TRMU: variants seen among roughly 807,000 people sequenced by gnomAD.
The protein encoded by TRMU is tRNA mitochondrial 2-thiouridylase, also known as mitochondrial tRNA-specific 2-thiouridylase 1.
TRMU carries 49 observed loss-of-function variants against 46.9 expected under a neutral mutation model. That is an observed-to-expected ratio of 1.05 (90% CI 0.83 to 1.33). The LOEUF (loss-of-function observed/expected upper bound fraction) is 1.33, where lower values mean the gene tolerates loss of function less well. Among genes scored for constraint, TRMU ranks in the 40% most tolerant of loss-of-function variants. The pLI is 0.00. For synonymous variants in TRMU, 241 were observed against 200.9 expected (o/e 1.20, Z -1.69); for missense variants, 572 against 532.4 (o/e 1.07, Z -0.73).
intron 5 of TRMU, 30 bp from the exon 6 acceptor site, chr22:46,352,091 C>A (rs376072072): frequency 6.2e-7 from 1 of 1,612,028 alleles, no homozygotes; most frequent in African/African-American, 1.3e-5. Flanking sequence ...CACTTCTGCT[C>A]CTCTCACGGC....
rs939160528 is a variant in TRMU, at chr22:46,336,903, A to C, written c.83-876A>C. ...AGGCGGCCCTCCCGGCACAGTCAGC[A>C]GTGCAAGCAGAATCACAGAGGCCTG... On this transcript the variant is annotated intron_variant, in intron 1 of 10. Coordinates refer to ENST00000645190, the MANE Select transcript of TRMU (RefSeq NM_018006.5). This position sits in a 1 kb window ranked among gnomAD's most constrained non-coding sequence, Gnocchi z 4.1. Among the ~76,000 whole-genome samples the C allele has an allele frequency of 3.9e-5, 6 of 152,128 alleles. No individual in the cohort carries two copies. The highest frequency in any genetic ancestry group is 8.8e-5 in the Non-Finnish European group (6 of 68,018).
At chr22:46,345,896 T>A (rs1366776566) in intron 3 of TRMU, among the ~76,000 whole-genome samples, 1 of 151,974 alleles carries the variant, frequency 6.6e-6, no homozygotes, top group Non-Finnish European at 1.5e-5. Context: ...GCCTCCCAAG[T>A]GGCTGGGACT....
intron 9 of TRMU, 96 bp downstream of exon 9, chr22:46,355,684 G>A (rs1170488285): frequency 8.3e-5 from 132 of 1,590,370 alleles, no homozygotes; most frequent in Middle Eastern, 1.7e-4. Flanking sequence ...GGGTAGGAAA[G>A]TCCCGTTGTG....
intron 10 of TRMU, 182 bp from the exon 11 acceptor site, chr22:46,356,659 TG>T: frequency 1.5e-6 from 1 of 678,298 alleles, no homozygotes; most frequent in Non-Finnish European, 2.5e-6. Flanking sequence ...GTGAAGCCAC[TG>T]GGTGCCCCAG....
rs1446159905 is a variant in TRMU at position 46,351,357 on chromosome 22, G to C, written c.652-764G>C. Reference sequence around the variant, plus strand: ...GAACCCGGAGTGTTGGCGGAACTAGGATGAAGCCCGTGGGAGGGCCTTGGG... The same window carrying C: ...GAACCCGGAGTGTTGGCGGAACTAGCATGAAGCCCGTGGGAGGGCCTTGGG... On this transcript the variant is annotated intron_variant, in intron 5 of 10. Transcript: ENST00000645190. This position sits in a 1 kb window ranked among gnomAD's most constrained non-coding sequence, Gnocchi z 6.4. 6.6e-6 allele frequency among the ~76,000 whole-genome samples: 1 copy of C among 152,170 alleles called. No homozygotes were observed. The highest frequency in any genetic ancestry group is 1.5e-5 in the Non-Finnish European group (1 of 68,020).
Position 46,338,842 on chromosome 22 carries a change from T to G in TRMU, c.248+898T>G, listed in dbSNP as rs1412229867. ...AAGGCGTCTGACACAGCAGGCCATGTGCGCGGGACAGGCTGCCCCTGCCTG... is the reference window on the plus strand; with the variant it reads ...AAGGCGTCTGACACAGCAGGCCATGGGCGCGGGACAGGCTGCCCCTGCCTG... On this transcript the variant is annotated intron_variant, in intron 2 of 10. Transcript: ENST00000645190. This position sits in a 1 kb window ranked among gnomAD's most constrained non-coding sequence, Gnocchi z 4.5. Among the ~76,000 whole-genome samples the G allele has an allele frequency of 6.6e-6, 1 of 152,174 alleles. No individual in the cohort carries two copies. Among genetic ancestry groups the G allele is most frequent in the African/African-American group, 2.4e-5 (1 of 41,440 alleles).
intron 7 of TRMU, chr22:46,353,217 G>A (rs2078490024): frequency 5.6e-6 from 1 of 178,070 alleles, no homozygotes; most frequent in South Asian, 1.2e-4. Context: ...TCCACCTGCA[G>A]TTCACTTCAC....
Position 46,343,352 on chromosome 22 carries a change from T to G in TRMU, c.339T>G (p.Tyr113Ter), listed in dbSNP as rs750358034. The change falls in exon 3 of 11, where the codon TAT becomes TAG. Residue 113 changes from tyrosine to a stop codon, truncating the protein, a stop_gained. Coordinates refer to ENST00000645190, the MANE Select transcript of TRMU (RefSeq NM_018006.5). LOFTEE classifies it high-confidence loss of function. Reference protein sequence around the residue: ...KHIKFSCFFHYAVDNLGADAI... With the variant: ...KHIKFSCFFH Reference sequence around the variant, plus strand: ...TCAAATTTAGTTGCTTTTTTCATTATGCTGTGGATAATCTTGGTAAGTAAT... The same window carrying G: ...TCAAATTTAGTTGCTTTTTTCATTAGGCTGTGGATAATCTTGGTAAGTAAT... The G allele has an allele frequency of 6.2e-7, 1 of 1,613,830 alleles. No individual in the cohort carries two copies. The highest frequency in any genetic ancestry group is 8.5e-7 in the Non-Finnish European group (1 of 1,179,754).
chr22:46,352,365 T>TG, intron 7 of TRMU, 35 bp downstream of exon 7: 1 of 1,609,724 alleles, frequency 6.2e-7, no homozygotes, highest in Non-Finnish European at 8.5e-7. Context: ...TCATCTGAAA[T>TG]GCCTAGAGCT....
chr22:46,353,747 G>C lies in TRMU; in HGVS notation c.773-20G>C. ...CTGTAACTTGTTGCCCAGCCTCATG[G>C]AGAAACTGTCTTTCTGTAGGTTGGT... On this transcript the variant is annotated intron_variant, in intron 7 of 10. Coordinates refer to ENST00000645190, the MANE Select transcript of TRMU (RefSeq NM_018006.5). 1 of 1,611,756 alleles carries C rather than the reference G, an allele frequency of 6.2e-7. No homozygotes were observed. Among genetic ancestry groups the C allele is most frequent in the Non-Finnish European group, 8.5e-7 (1 of 1,178,190 alleles).
In TRMU at chr22:46,350,141, TG is replaced by T; in HGVS notation, c.479-148del. On this transcript the variant is annotated intron_variant, in intron 4 of 10. Coordinates refer to ENST00000645190, the MANE Select transcript of TRMU (RefSeq NM_018006.5). This position sits in a 1 kb window ranked among gnomAD's most constrained non-coding sequence, Gnocchi z 4.6. Reference sequence around the variant, plus strand: ...GAATTTTTCTTACATTAACCCGTGGTGGTCTTTTCCCTAGTAGTTGCTATTG... The same window carrying T: ...GAATTTTTCTTACATTAACCCGTGGTGTCTTTTCCCTAGTAGTTGCTATTG... 1.2e-6 allele frequency: 1 copy of T among 810,624 alleles called. No homozygotes were observed. The highest frequency in any genetic ancestry group is 1.9e-6 in the Non-Finnish European group (1 of 514,752). The allele number at this position is 810,624 out of a possible 1,614,324, so 50.2% of individuals were successfully genotyped here. A position where few individuals can be genotyped will look rare whatever the true frequency, so the allele number is the denominator to read the frequency against.
chr22:46,355,473 C>G lies in TRMU; in HGVS notation c.903C>G (p.Tyr301Ter). The change falls in exon 9 of 11, where the codon TAC becomes TAG. Residue 301 changes from tyrosine to a stop codon, truncating the protein, a stop_gained. Transcript: ENST00000645190. LOFTEE classifies it high-confidence loss of function. ...CCCGGACAGACCACCCAGCCCTGTA[C>G]AGGGACCTGCTGAGGACCAGCCGCG... ...VAPRTDHPAL[Y>*]RDLLRTSRVH... 1.2e-6 allele frequency: 2 copies of G among 1,613,158 alleles called. No individual in the cohort carries two copies. Among genetic ancestry groups the G allele is most frequent in the Non-Finnish European group, 1.7e-6 (2 of 1,179,962 alleles).
chr22:46,336,398 T>C lies in TRMU; in HGVS notation c.82+552T>C, dbSNP rs2077979051. On this transcript the variant is annotated intron_variant, in intron 1 of 10. Transcript: ENST00000645190. This position sits in a 1 kb window ranked among gnomAD's most constrained non-coding sequence, Gnocchi z 4.1. ...GAGCATTTGCATTTCTTCCGGCATC[T>C]AAACGGAGCCCCACGGGTGCTTAGC... is the stretch of plus-strand genomic sequence containing the variant. 6.5e-6 allele frequency: 1 copy of C among 153,814 alleles called. No individual in the cohort carries two copies. The highest frequency in any genetic ancestry group is 1.4e-5 in the Non-Finnish European group (1 of 69,118). 9.5% of individuals were successfully genotyped at this position (153,814 alleles called of 1,614,324 possible).
At position 46,352,105 on chromosome 22, in the gene TRMU, C is replaced by G. The variant is rs73177076; in HGVS notation, c.652-16C>G. The G allele has an allele frequency of 8.7e-6, 14 of 1,612,386 alleles. No individual in the cohort carries two copies. Among genetic ancestry groups the G allele is most frequent in the Non-Finnish European group, 1.1e-5 (13 of 1,179,974 alleles). On this transcript the variant is annotated splice_polypyrimidine_tract_variant and intron_variant, in intron 5 of 10. Coordinates refer to ENST00000645190, the MANE Select transcript of TRMU (RefSeq NM_018006.5). The stretch of plus-strand genomic sequence containing the variant: ...CCACTTCTGCTCCTCTCACGGCTGC[C>G]GTCTTCTCATTTCAGAGCATGGGCA...
At position 46,338,738 on chromosome 22, in the gene TRMU, C is replaced by CT. The variant is rs758355592; in HGVS notation, c.248+798dup. ...AGGACCGTTGTAAAGTTTGGCTGGA[C>CT]TTTTGTTCCTGCAGTGGAAGGAGTG... is the stretch of plus-strand genomic sequence containing the variant. On this transcript the variant is annotated intron_variant, in intron 2 of 10. Coordinates refer to ENST00000645190, the MANE Select transcript of TRMU (RefSeq NM_018006.5). This position sits in a 1 kb window ranked among gnomAD's most constrained non-coding sequence, Gnocchi z 4.5. Among the ~76,000 whole-genome samples the CT allele has an allele frequency of 3.9e-5, 6 of 152,326 alleles. No homozygotes were observed. The highest frequency in any genetic ancestry group is 7.4e-5 in the Non-Finnish European group (5 of 68,026).
chr22:46,355,365 T>A lies in TRMU; in HGVS notation c.874-79T>A. 1.9e-6 allele frequency: 3 copies of A among 1,570,350 alleles called. No homozygotes were observed. The South Asian group carries it at 3.4e-5, about 18-fold the overall frequency. ...TGTGTGTGTGTGCTGGTAGGACAGT[T>A]GTTCCCAGGGACCACACTGAGGCCG... On this transcript the variant is annotated intron_variant, in intron 8 of 10. Transcript: ENST00000645190.
In TRMU at chr22:46,346,419, CAG is replaced by C. The variant is rs2147053913; in HGVS notation, c.356-2_356-1del. 1 of 1,612,258 alleles carries C rather than the reference CAG, an allele frequency of 6.2e-7. No homozygotes were observed. Reference sequence around the variant, plus strand: ...TGATCCTTGTGTTCTAAAAACCTCACAGGGGCAGATGCCATTGCCACAGGTCA... The same window carrying C: ...TGATCCTTGTGTTCTAAAAACCTCACGGGCAGATGCCATTGCCACAGGTCA... On this transcript the variant is annotated splice_acceptor_variant, in intron 3 of 10. Coordinates refer to ENST00000645190, the MANE Select transcript of TRMU (RefSeq NM_018006.5). LOFTEE classifies it high-confidence loss of function.
At chr22:46,343,039 G>T (rs765224741) in intron 2 of TRMU, among the ~76,000 whole-genome samples, 20 of 152,238 alleles carry the variant, frequency 1.3e-4, no homozygotes, top group South Asian at 4.1e-4. Context: ...ACACAGAGAC[G>T]GTGGCTCCTG....
intron 10 of TRMU, chr22:46,356,390 G>A (rs918205393): frequency 3.5e-5 from 16 of 455,822 alleles, no homozygotes; most frequent in South Asian, 2.6e-4. Context: ...GCAGAGGGTC[G>A]GGGCCCCTGT....
Sources: gnomAD v4.1 joint callset for allele counts (sites outside exome capture counted in the v4.1 genomes callset) on GRCh38, gnomAD v4.1.1 for gene constraint, Gnocchi (gnomAD v3.1) non-coding constraint, MANE v1.5 for transcripts, NCBI Gene and HGNC (gene_info 2026-07-23, HGNC 2026-07-21) for gene names.